Variants in B3GAT2 observed in about 807,000 individuals in gnomAD.
B3GAT2 encodes galactosylgalactosylxylosylprotein 3-beta-glucuronosyltransferase 2.
In B3GAT2, 26 loss-of-function variants were observed where a neutral mutation model predicts 27.8. The ratio of observed to expected loss-of-function variants is 0.93; its 90% CI spans 0.68 to 1.30. The LOEUF is 1.30. B3GAT2 is among the 50% of genes most tolerant of loss of function. B3GAT2 has a pLI of 0.00. For missense variants in B3GAT2, 458 were observed against 459.0 expected, an observed-to-expected ratio of 1.00 and a Z score of 0.02; for synonymous variants, 218 against 195.1, an observed-to-expected ratio of 1.12 and a Z score of -0.98.
At position 70,925,456 on chromosome 6, in the gene B3GAT2, G is replaced by A. The variant is rs529903843; in HGVS notation, c.591+30383C>T. On this transcript the variant is annotated intron_variant, in intron 1 of 3. Coordinates refer to ENST00000230053, the MANE Select transcript of B3GAT2 (RefSeq NM_080742.3). ...CGGGACACTCCCGCCCTAATACTGC[G>A]CTTTTCCAATGGTCTTAGCAAACGG... 6.6e-5 allele frequency among the ~76,000 whole-genome samples: 10 copies of A among 152,312 alleles called. No homozygotes were observed. In the South Asian group the frequency reaches 8.3e-4, roughly 13 times the overall value.
chr6:70,859,478 A>C lies in B3GAT2; in HGVS notation c.*2185T>G. ...CCTGATTAGTGATGTAGTTTATGTT[A>C]GTGTCTTTGAAACTGTAAATAAGTC... On this transcript the variant is annotated 3_prime_UTR_variant, in exon 4 of 4. Coordinates refer to ENST00000230053, the MANE Select transcript of B3GAT2 (RefSeq NM_080742.3). The C allele has an allele frequency of 9.3e-7, 1 of 1,080,754 alleles. No homozygotes were observed. The highest frequency in any genetic ancestry group is 1.3e-6 in the Non-Finnish European group (1 of 748,294). The allele number at this position is 1,080,754 out of a possible 1,614,324, so 66.9% of individuals were successfully genotyped here. A position where few individuals can be genotyped will look rare whatever the true frequency, so the allele number is the denominator to read the frequency against.
chr6:70,913,221 C>T (rs1772715679), intron 1 of B3GAT2, among the ~76,000 whole-genome samples: 2 of 152,008 alleles, frequency 1.3e-5, no homozygotes, highest in African/African-American at 4.8e-5. Flanking sequence ...TTGGTTTGCT[C>T]TTGTTTTTCT....
intron 2 of B3GAT2, among the ~76,000 whole-genome samples, chr6:70,882,040 C>A (rs1231547186): frequency 6.6e-6 from 1 of 152,196 alleles, no homozygotes; most frequent in Admixed American, 6.5e-5. Flanking sequence ...CTGCCCCCAA[C>A]CCTCAACCAT....
intron 2 of B3GAT2, among the ~76,000 whole-genome samples, chr6:70,871,219 T>TG (rs1771930375): frequency 1.6e-5 from 1 of 61,454 alleles, no homozygotes; most frequent in Non-Finnish European, 3.9e-5. Context: ...TTTTTTTTTT[T>TG]TTGTTTTTTT....
At chr6:70,919,480 G>A (rs781185738) in intron 1 of B3GAT2, among the ~76,000 whole-genome samples, 14 of 152,154 alleles carry the variant, frequency 9.2e-5, no homozygotes, top group East Asian at 5.8e-4. Flanking sequence ...GAAGAAAGGC[G>A]TTCTGGTTTT....
At chr6:70,953,296 G>A (rs532591099) in intron 1 of B3GAT2, among the ~76,000 whole-genome samples, 3 of 152,238 alleles carry the variant, frequency 2.0e-5, no homozygotes, top group Admixed American at 6.5e-5. Context: ...TAATTTACAC[G>A]GAATCATTAA....
chr6:70,914,885 T>C (rs928385064), intron 1 of B3GAT2, among the ~76,000 whole-genome samples: 8 of 152,230 alleles, frequency 5.3e-5, no homozygotes, highest in East Asian at 1.9e-4. Context: ...TGTGTCCTTA[T>C]AGTAGAATGC....
chr6:70,935,984 C>T (rs1269326066), intron 1 of B3GAT2, among the ~76,000 whole-genome samples: 1 of 151,562 alleles, frequency 6.6e-6, no homozygotes, highest in African/African-American at 2.4e-5. Context: ...CAAGACCCAT[C>T]AGTGTGCTGT....
intron 2 of B3GAT2, among the ~76,000 whole-genome samples, chr6:70,868,891 T>C (rs928927840): frequency 6.6e-6 from 1 of 152,196 alleles, no homozygotes; most frequent in Non-Finnish European, 1.5e-5. Context: ...AAGCATACAC[T>C]GCCTTTTGGA....
intron 1 of B3GAT2, among the ~76,000 whole-genome samples, chr6:70,950,787 G>A (rs1765567488): frequency 6.6e-6 from 1 of 152,022 alleles, no homozygotes; most frequent in African/African-American, 2.4e-5. Flanking sequence ...CCTACCTCAG[G>A]GTGTTATGAA....
At chr6:70,946,654 C>G (rs538745346) in intron 1 of B3GAT2, among the ~76,000 whole-genome samples, 189 of 152,130 alleles carry the variant, frequency 1.2e-3, no homozygotes, top group Admixed American at 2.0e-3. Flanking sequence ...ACCCCACTGT[C>G]AACATTAGAC....
intron 2 of B3GAT2, among the ~76,000 whole-genome samples, chr6:70,864,476 A>G (rs1227974437): frequency 6.6e-6 from 1 of 152,144 alleles, no homozygotes; most frequent in East Asian, 1.9e-4. Flanking sequence ...GCGCACCTGA[A>G]AGGCCAGCAC....
intron 2 of B3GAT2, among the ~76,000 whole-genome samples, chr6:70,879,979 C>G (rs562710724): frequency 4.6e-5 from 7 of 151,186 alleles, no homozygotes; most frequent in Non-Finnish European, 8.8e-5. Flanking sequence ...ATGTTTTAAC[C>G]TGGAGCCTAA....
At position 70,956,246 on chromosome 6, in the gene B3GAT2, C is replaced by G; in HGVS notation, c.184G>C (p.Gly62Arg). The G allele has an allele frequency of 6.2e-7, 1 of 1,611,674 alleles. No homozygotes were observed. The highest frequency in any genetic ancestry group is 8.5e-7 in the Non-Finnish European group (1 of 1,178,788). Residue 62 changes from glycine (G) to arginine (R), a missense_variant, in exon 1 of 4, where the codon GGG (glycine) becomes CGG (arginine). By Grantham distance (125) the Gly-to-Arg change is moderately radical (BLOSUM62 -2). Transcript: ENST00000230053. ...LPLRRGGPAH[G>R]TQKRNQSRPQ... ...CGAGACTGGTTGCGCTTTTGGGTCC[C>G]GTGAGCCGGGCCGCCCCTGCGGAGC...
chr6:70,876,704 T>G (rs1164655923), intron 2 of B3GAT2, among the ~76,000 whole-genome samples: 2 of 152,220 alleles, frequency 1.3e-5, no homozygotes, highest in African/African-American at 4.8e-5. Flanking sequence ...TTTGATATTA[T>G]TCACTCATTC....
intron 1 of B3GAT2, among the ~76,000 whole-genome samples, chr6:70,913,779 G>A (rs1434179137): frequency 6.6e-6 from 1 of 152,018 alleles, no homozygotes. Context: ...CTTGATGATT[G>A]AATACTGTTA....
rs958358095 is a variant in B3GAT2 at position 70,860,936 on chromosome 6, C to CAA, written c.*725_*726dup. On this transcript the variant is annotated 3_prime_UTR_variant, in exon 4 of 4. Coordinates refer to ENST00000230053, the MANE Select transcript of B3GAT2 (RefSeq NM_080742.3). Reference sequence around the variant, plus strand: ...TCGTTTAATGAATGCTTAAAGAATTCAAATTTTATCTGCCTCTCTTGTAAT... The same window carrying CAA: ...TCGTTTAATGAATGCTTAAAGAATTCAAAAATTTTATCTGCCTCTCTTGTAAT... 4.0e-5 allele frequency: 15 copies of CAA among 372,984 alleles called. No homozygotes were observed. The highest frequency in any genetic ancestry group is 2.3e-4 in the Admixed American group (5 of 21,920). The allele number at this position is 372,984 out of a possible 1,614,324, so 23.1% of individuals were successfully genotyped here. A position where few individuals can be genotyped will look rare whatever the true frequency, so the allele number is the denominator to read the frequency against.
chr6:70,865,274 G>A (rs1330682125), intron 2 of B3GAT2, among the ~76,000 whole-genome samples: 2 of 151,902 alleles, frequency 1.3e-5, no homozygotes, highest in Non-Finnish European at 2.9e-5. Context: ...CTACAGACGT[G>A]GGCCTGGCTA....
At chr6:70,921,575 T>C (rs1370447821) in intron 1 of B3GAT2, among the ~76,000 whole-genome samples, 2 of 152,186 alleles carry the variant, frequency 1.3e-5, no homozygotes, top group Admixed American at 1.3e-4. Flanking sequence ...CTTTTTTCTA[T>C]CCAGATTCTC....
Sources: gnomAD v4.1 joint callset for allele counts (sites outside exome capture counted in the v4.1 genomes callset) on GRCh38, gnomAD v4.1.1 for gene constraint, MANE v1.5 for transcripts, NCBI Gene and HGNC (gene_info 2026-07-23, HGNC 2026-07-21) for gene names.